BMPER: variants seen among roughly 807,000 people sequenced by gnomAD.
BMPER encodes BMP binding endothelial regulator, also known as BMP-binding endothelial regulator protein.
Under a neutral mutation model 87.3 loss-of-function variants are expected in BMPER, and 45 were observed. The ratio of observed to expected loss-of-function variants is 0.52; its 90% CI spans 0.41 to 0.66. The LOEUF (loss-of-function observed/expected upper bound fraction) is 0.66. Among genes scored for constraint, BMPER ranks in the 30% least tolerant of loss-of-function variants. The pLI, the probability that BMPER is intolerant of heterozygous loss-of-function variation, is 0.00. For synonymous variants in BMPER, 326 were observed against 316.2 expected (o/e 1.03, Z -0.33); for missense variants, 784 against 867.5 (o/e 0.90, Z 1.21).
At chr7:33,938,044 C>T (rs1171698019) in intron 3 of BMPER, among the ~76,000 whole-genome samples, 1 of 152,186 alleles carries the variant, frequency 6.6e-6, no homozygotes. Context: ...GCTCAGCCCT[C>T]ATCTGCCACA....
chr7:33,966,648 C>G (rs1276131505), intron 4 of BMPER, 87 bp downstream of exon 4: 12 of 1,262,608 alleles, frequency 9.5e-6, no homozygotes, highest in Non-Finnish European at 1.3e-5. Flanking sequence ...GAACAAAACC[C>G]TAAAAAGGCC....
At chr7:33,909,100 T>G (rs115878394) in intron 2 of BMPER, among the ~76,000 whole-genome samples, 2 of 152,372 alleles carry the variant, frequency 1.3e-5, no homozygotes, top group African/African-American at 4.8e-5. Flanking sequence ...ATTTTTATTT[T>G]ATTTTATTTT....
At chr7:34,137,296 T>C (rs1227247027) in intron 13 of BMPER, among the ~76,000 whole-genome samples, 1 of 152,210 alleles carries the variant, frequency 6.6e-6, no homozygotes, top group Non-Finnish European at 1.5e-5. Flanking sequence ...CAGAGGCTGT[T>C]ATGGCCAACA....
chr7:33,956,045 A>T (rs1196848673), intron 3 of BMPER, among the ~76,000 whole-genome samples: 2 of 152,184 alleles, frequency 1.3e-5, no homozygotes, highest in Admixed American at 6.5e-5. Flanking sequence ...ACCACAAAAA[A>T]AAAAACACCT....
At chr7:34,025,259 C>G (rs1442295973) in intron 6 of BMPER, among the ~76,000 whole-genome samples, 1 of 152,000 alleles carries the variant, frequency 6.6e-6, no homozygotes, top group Non-Finnish European at 1.5e-5. Context: ...ATCTGAATTG[C>G]TTCCTTTGAT....
intron 13 of BMPER, among the ~76,000 whole-genome samples, chr7:34,137,747 C>G (rs1403060101): frequency 6.6e-6 from 1 of 152,052 alleles, no homozygotes; most frequent in Non-Finnish European, 1.5e-5. Context: ...GGATGGAAGT[C>G]CAAGGGTTGA....
chr7:33,997,068 C>T (rs146972887), intron 6 of BMPER, among the ~76,000 whole-genome samples: 1 of 152,186 alleles, frequency 6.6e-6, no homozygotes, highest in African/African-American at 2.4e-5. Flanking sequence ...CTCCCTCCCA[C>T]TTAATGCCAT....
chr7:33,967,103 T>C (rs1785425171), intron 4 of BMPER, among the ~76,000 whole-genome samples: 1 of 152,190 alleles, frequency 6.6e-6, no homozygotes, highest in Non-Finnish European at 1.5e-5. Context: ...AAAAGAGCAG[T>C]GATTCCACAT....
chr7:33,955,044 C>T (rs1785117924), intron 3 of BMPER, among the ~76,000 whole-genome samples: 1 of 152,114 alleles, frequency 6.6e-6, no homozygotes, highest in Admixed American at 6.6e-5. Flanking sequence ...ATTACAGGTG[C>T]CTGCCACCAC....
intron 11 of BMPER, among the ~76,000 whole-genome samples, chr7:34,078,068 T>C (rs369385304): frequency 6.6e-6 from 1 of 152,194 alleles, no homozygotes; most frequent in South Asian, 2.1e-4. Context: ...TTTAATTTTC[T>C]ATAGAAATCT....
intron 13 of BMPER, among the ~76,000 whole-genome samples, chr7:34,139,242 T>A (rs541416572): frequency 2.0e-5 from 3 of 152,278 alleles, no homozygotes; most frequent in Admixed American, 2.0e-4. Context: ...GAAATACAAG[T>A]GTGAGGGCAA....
intron 2 of BMPER, among the ~76,000 whole-genome samples, chr7:33,936,983 A>G (rs554973449): frequency 3.3e-5 from 5 of 152,360 alleles, no homozygotes; most frequent in African/African-American, 4.8e-5. Context: ...TGTACTAAAA[A>G]GAAACCTTAG....
chr7:34,044,441 T>C (rs1255455315), intron 6 of BMPER, among the ~76,000 whole-genome samples: 2 of 152,204 alleles, frequency 1.3e-5, no homozygotes, highest in East Asian at 1.9e-4. Flanking sequence ...GGCCCGAGGC[T>C]TCAGGATTTT....
intron 13 of BMPER, among the ~76,000 whole-genome samples, chr7:34,103,745 A>G (rs899843047): frequency 3.3e-5 from 5 of 152,164 alleles, no homozygotes; most frequent in Non-Finnish European, 7.3e-5. Flanking sequence ...GCATCAGGGG[A>G]GCATGTTTAC....
rs576434821 is a variant in BMPER at position 34,034,159 on chromosome 7, T to C, written c.577-12147T>C. Among the ~76,000 whole-genome samples, 3 of 152,294 alleles carry C rather than the reference T, an allele frequency of 2.0e-5. No homozygotes were observed. In the East Asian group the frequency reaches 5.8e-4, roughly 30 times the overall value. The stretch of plus-strand genomic sequence containing the variant: ...CGTCTCAGCATGTTCTGGCCAAGAT[T>C]ACAAGACAATGCTTCTGAACCTGGC... On this transcript the variant is annotated intron_variant, in intron 6 of 14. Coordinates refer to ENST00000649409, the MANE Select transcript of BMPER (RefSeq NM_001365308.1).
intron 6 of BMPER, among the ~76,000 whole-genome samples, chr7:34,019,992 T>C (rs1168594757): frequency 6.7e-6 from 1 of 150,142 alleles, no homozygotes. Context: ...CTGGAAAATG[T>C]CAGAGGAATG....
At chr7:34,148,736 G>A (rs1165288479) in intron 14 of BMPER, among the ~76,000 whole-genome samples, 1 of 152,142 alleles carries the variant, frequency 6.6e-6, no homozygotes, top group Non-Finnish European at 1.5e-5. Context: ...TAGACTAGAA[G>A]AAAGAATTGA....
chr7:34,087,424 A>G (rs895417282), intron 13 of BMPER, among the ~76,000 whole-genome samples: 4 of 152,202 alleles, frequency 2.6e-5, no homozygotes, highest in Non-Finnish European at 4.4e-5. Context: ...AGAATATAGC[A>G]ATTAAGAACT....
intron 3 of BMPER, among the ~76,000 whole-genome samples, chr7:33,964,248 A>G (rs905590326): frequency 1.3e-5 from 2 of 152,340 alleles, no homozygotes; most frequent in African/African-American, 4.8e-5. Flanking sequence ...AGTGCTTGAT[A>G]TACTGAAGTC....
Sources: allele counts gnomAD v4.1 joint callset (sites outside exome capture counted in the v4.1 genomes callset), GRCh38; gene constraint gnomAD v4.1.1; transcripts MANE v1.5; gene names NCBI Gene and HGNC (gene_info 2026-07-23, HGNC 2026-07-21).